AVEN: variants seen among roughly 807,000 people sequenced by gnomAD.
AVEN encodes cell death regulator Aven.
A neutral mutation model predicts 38.1 loss-of-function variants in AVEN; 41 were observed. That is an observed-to-expected ratio of 1.08 (90% CI 0.84 to 1.40). The LOEUF (loss-of-function observed/expected upper bound fraction) is 1.40, where lower values mean the gene tolerates loss of function less well. Ranked by LOEUF, AVEN falls within the 40% of genes most tolerant of loss-of-function variation. AVEN has a pLI of 0.00. For missense variants in AVEN, 605 were observed against 438.8 expected, an observed-to-expected ratio of 1.38 and a Z score of -3.38; for synonymous variants, 206 against 171.8, an observed-to-expected ratio of 1.20 and a Z score of -1.56.
intron 2 of AVEN, among the ~76,000 whole-genome samples, chr15:33,902,430 T>C (rs970512725): frequency 1.3e-5 from 2 of 152,212 alleles, no homozygotes; most frequent in Non-Finnish European, 2.9e-5. Flanking sequence ...ACAAGAAAAG[T>C]TCCTCAACAT....
intron 5 of AVEN, among the ~76,000 whole-genome samples, chr15:34,062,013 T>C (rs1024248201): frequency 6.6e-6 from 1 of 152,206 alleles, no homozygotes; most frequent in Admixed American, 6.5e-5. Flanking sequence ...TGATTTAACA[T>C]CCCTGCTTTC....
intron 2 of AVEN, among the ~76,000 whole-genome samples, chr15:33,886,717 CAATT>C (rs1891717752): frequency 6.6e-6 from 1 of 152,166 alleles, no homozygotes; most frequent in South Asian, 2.1e-4. Context: ...AACTGTGAGT[CAATT>C]AAACCTCTTT....
At chr15:34,018,595 T>A (rs1350068677) in intron 1 of AVEN, 1 of 152,292 alleles carries the variant, frequency 6.6e-6, no homozygotes, top group South Asian at 2.1e-4. Context: ...ATAAAGGTAG[T>A]GCAGACCCAA....
At chr15:33,944,018 A>T (rs1309028182) in intron 2 of AVEN, among the ~76,000 whole-genome samples, 1 of 152,032 alleles carries the variant, frequency 6.6e-6, no homozygotes, top group Non-Finnish European at 1.5e-5. Flanking sequence ...ACACGCATGA[A>T]CCACCACACC....
chr15:33,961,269 C>CA (rs1181333409), intron 2 of AVEN, among the ~76,000 whole-genome samples: 1 of 152,168 alleles, frequency 6.6e-6, no homozygotes, highest in Non-Finnish European at 1.5e-5. Flanking sequence ...CTAAATCTCA[C>CA]ACCTGCTGGG....
chr15:33,876,574 A>C (rs1171096201), intron 2 of AVEN, among the ~76,000 whole-genome samples: 1 of 152,064 alleles, frequency 6.6e-6, no homozygotes, highest in Non-Finnish European at 1.5e-5. Flanking sequence ...CCTATCTCAA[A>C]AAAAAAAAAT....
At chr15:34,062,930 C>G in exon 5 of AVEN, 1 of 1,614,196 alleles carries the variant, frequency 6.2e-7, no homozygotes, top group Non-Finnish European at 8.5e-7. Flanking sequence ...ACCTGCTCAG[C>G]TTAGCCTGTG....
chr15:34,055,084 C>A (rs189372983), intron 5 of AVEN, among the ~76,000 whole-genome samples: 1 of 151,684 alleles, frequency 6.6e-6, no homozygotes, highest in Non-Finnish European at 1.5e-5. Context: ...CCCAGCTACT[C>A]AGGAGGCTGA....
intron 2 of AVEN, among the ~76,000 whole-genome samples, chr15:33,948,553 G>T (rs1318155451): frequency 6.6e-6 from 1 of 152,080 alleles, no homozygotes; most frequent in Non-Finnish European, 1.5e-5. Context: ...CCTAAATAAA[G>T]ATACTAAAAA....
chr15:33,919,527 C>A (rs1230733049), intron 2 of AVEN, among the ~76,000 whole-genome samples: 2 of 152,130 alleles, frequency 1.3e-5, no homozygotes, highest in Non-Finnish European at 2.9e-5. Context: ...AAGTCAATAT[C>A]TATAATTTTA....
At chr15:33,898,094 C>T (rs931144063) in intron 2 of AVEN, among the ~76,000 whole-genome samples, 1 of 151,858 alleles carries the variant, frequency 6.6e-6, no homozygotes, top group Non-Finnish European at 1.5e-5. Flanking sequence ...GAGGCTGAGG[C>T]AGGAGAATGG....
At chr15:34,053,039 C>T (rs1899986129) in intron 5 of AVEN, among the ~76,000 whole-genome samples, 1 of 151,880 alleles carries the variant, frequency 6.6e-6, no homozygotes. Flanking sequence ...GTGGCTCAAA[C>T]CTGTAATCCC....
intron 2 of AVEN, among the ~76,000 whole-genome samples, chr15:33,886,049 T>C (rs1222100999): frequency 6.6e-6 from 1 of 152,192 alleles, no homozygotes; most frequent in Non-Finnish European, 1.5e-5. Context: ...ATCTTAGAAC[T>C]GATCTGTAGT....
intron 2 of AVEN, among the ~76,000 whole-genome samples, chr15:33,930,742 T>G (rs1203461031): frequency 6.6e-6 from 1 of 152,052 alleles, no homozygotes; most frequent in Non-Finnish European, 1.5e-5. Context: ...GATCACGAGG[T>G]CAGGAGATTG....
intron 1 of AVEN, among the ~76,000 whole-genome samples, chr15:34,020,394 A>C (rs941161170): frequency 1.4e-4 from 21 of 152,346 alleles, no homozygotes; most frequent in African/African-American, 4.8e-4. Context: ...TGCCTTTACA[A>C]GTTGGTTGCA....
intron 2 of AVEN, among the ~76,000 whole-genome samples, chr15:33,947,867 T>C (rs891440558): frequency 8.5e-5 from 13 of 152,182 alleles, no homozygotes; most frequent in Admixed American, 7.9e-4. Context: ...ATTATGGCTA[T>C]GCCATGTCTG....
At chr15:33,879,332 C>T (rs2153037335) in intron 2 of AVEN, among the ~76,000 whole-genome samples, 1 of 140,520 alleles carries the variant, frequency 7.1e-6, no homozygotes, top group East Asian at 2.1e-4. Context: ...TGTTCTCACT[C>T]ATAGATGGGA....
chr15:33,874,405 G>A (rs1021322621), intron 3 of AVEN, among the ~76,000 whole-genome samples: 3 of 152,052 alleles, frequency 2.0e-5, no homozygotes, highest in Non-Finnish European at 4.4e-5. Context: ...CCTTCTCTGA[G>A]CATAACCTCG....
rs372035035 is a variant in AVEN at position 33,979,394 on chromosome 15, A to T, written c.445+23638T>A. Among the ~76,000 whole-genome samples the T allele has an allele frequency of 8.5e-5, 13 of 152,238 alleles. No homozygotes were observed. In the South Asian group the frequency reaches 2.7e-3, roughly 32 times the overall value. ...CATGCTAGGGTGTGGCTGTAATCCC[A>T]GCTACTCAGGAGGCTGAGGTGGAAG... On this transcript the variant is annotated intron_variant, in intron 2 of 5. Coordinates refer to ENST00000306730, the MANE Select transcript of AVEN (RefSeq NM_020371.3).
Sources: allele counts gnomAD v4.1 joint callset (sites outside exome capture counted in the v4.1 genomes callset), GRCh38; gene constraint gnomAD v4.1.1; transcripts MANE v1.5; gene names NCBI Gene and HGNC (gene_info 2026-07-23, HGNC 2026-07-21).